The following ECT2 variants were observed in gnomAD, a reference collection of about 807,000 sequenced individuals.
ECT2 encodes protein ECT2.
Under a neutral mutation model 116.9 loss-of-function variants are expected in ECT2, and 61 were observed. The ratio of observed to expected loss-of-function variants is 0.52; its 90% CI spans 0.42 to 0.65. The LOEUF is 0.65. ECT2 is among the 30% of genes least tolerant of loss of function. The pLI is 0.00. For missense variants in ECT2, 937 were observed against 1,078.7 expected (o/e 0.87, Z 1.84); for synonymous variants, 358 against 346.4 (o/e 1.03, Z -0.37).
In ECT2 at chr3:172,765,337, T is replaced by C. The variant is rs564279647; in HGVS notation, c.1291+837T>C. Among the ~76,000 whole-genome samples, 3 of 152,292 alleles carry C rather than the reference T, an allele frequency of 2.0e-5. No individual in the cohort carries two copies. In the South Asian group the frequency reaches 6.2e-4, roughly 32 times the overall value. ...AATTCTAAATGTTGTATGTTCCTCC[T>C]GAGTCATTGTTTCTTCTCTATTGTA... On this transcript the variant is annotated intron_variant, in intron 12 of 24. Coordinates refer to ENST00000392692, the MANE Select transcript of ECT2 (RefSeq NM_001258315.2).
intron 12 of ECT2, among the ~76,000 whole-genome samples, chr3:172,768,053 A>G (rs1351035088): frequency 6.6e-6 from 1 of 152,126 alleles, no homozygotes; most frequent in Non-Finnish European, 1.5e-5. Context: ...TCTTTCATGA[A>G]ATGTATATGA....
chr3:172,767,717 T>C (rs1255290396), intron 12 of ECT2, among the ~76,000 whole-genome samples: 1 of 151,270 alleles, frequency 6.6e-6, no homozygotes, highest in African/African-American at 2.5e-5. Flanking sequence ...TATAGATATG[T>C]GTATAGATTT....
intron 5 of ECT2, 49 bp from the exon 6 acceptor site, chr3:172,758,931 A>G (rs1373282363): frequency 2.1e-6 from 3 of 1,436,848 alleles, no homozygotes; most frequent in Non-Finnish European, 2.9e-6. Flanking sequence ...GTTGTGTTGT[A>G]TTTTCTACTA....
At chr3:172,801,706 A>T (rs1726752252) in intron 18 of ECT2, among the ~76,000 whole-genome samples, 1 of 152,240 alleles carries the variant, frequency 6.6e-6, no homozygotes, top group Non-Finnish European at 1.5e-5. Flanking sequence ...TGCAGGGAAG[A>T]AACTTTCTTT....
chr3:172,828,807 G>T, the ECT2 span: 1 of 732,672 alleles, frequency 1.4e-6, no homozygotes, highest in South Asian at 1.5e-5. Context: ...CCAACGCCCA[G>T]AATGGCATAG....
chr3:172,780,017 G>A (rs1042004857), intron 14 of ECT2, among the ~76,000 whole-genome samples: 11 of 151,896 alleles, frequency 7.2e-5, no homozygotes, highest in Non-Finnish European at 1.3e-4. Flanking sequence ...CAAATAAGAT[G>A]TCTACTTAAA....
At chr3:172,815,842 G>A (rs1577047794) in intron 23 of ECT2, 131 bp downstream of exon 23, 1 of 635,668 alleles carries the variant, frequency 1.6e-6, no homozygotes, top group East Asian at 3.1e-5. Context: ...TCTAGGAAAT[G>A]ACCCACAGAA....
At position 172,762,786 on chromosome 3, in the gene ECT2, C is replaced by CT; in HGVS notation, c.988dup (p.Tyr330LeufsTer26). 6.2e-7 allele frequency: 1 copy of CT among 1,612,482 alleles called. No homozygotes were observed. Among genetic ancestry groups the CT allele is most frequent in the East Asian group, 2.2e-5 (1 of 44,794 alleles). On this transcript the variant is annotated frameshift_variant, in exon 10 of 25. Transcript: ENST00000392692. LOFTEE classifies it high-confidence loss of function. ...TCTTCCCTTTGAACCTTCAAAGAAACTTTATGTTGTCAAGCAAGAGGCAAG... is the reference window on the plus strand; with the variant it reads ...TCTTCCCTTTGAACCTTCAAAGAAACTTTTATGTTGTCAAGCAAGAGGCAAG...
Position 172,776,670 on chromosome 3 carries a change from CCTAA to C in ECT2, c.1548+2652_1548+2655del, listed in dbSNP as rs1448788760. Among the ~76,000 whole-genome samples, 6 of 152,216 alleles carry C rather than the reference CCTAA, an allele frequency of 3.9e-5. No individual in the cohort carries two copies. The East Asian group carries it at 7.7e-4, about 20-fold the overall frequency. On this transcript the variant is annotated intron_variant, in intron 14 of 24. Coordinates refer to ENST00000392692, the MANE Select transcript of ECT2 (RefSeq NM_001258315.2). ...TTTGTATAACTTCAAAGTCTGTTCT[CCTAA>C]CTATTAATGCTATTTTGCTTCTTTA... is the stretch of plus-strand genomic sequence containing the variant.
chr3:172,819,680 G>A (rs1178767964), intron 24 of ECT2, among the ~76,000 whole-genome samples: 1 of 151,938 alleles, frequency 6.6e-6, no homozygotes, highest in Non-Finnish European at 1.5e-5. Flanking sequence ...GTACATCTGA[G>A]TTGTACATAT....
At chr3:172,828,542 G>A in the ECT2 span, among the ~76,000 whole-genome samples, 2 of 151,770 alleles carry the variant, frequency 1.3e-5, no homozygotes, top group African/African-American at 4.8e-5. Flanking sequence ...AAACCAAGCC[G>A]ACAGCATTAT....
intron 5 of ECT2, 69 bp downstream of exon 5, chr3:172,757,234 A>G (rs960850089): frequency 1.7e-6 from 2 of 1,195,624 alleles, no homozygotes; most frequent in Non-Finnish European, 2.2e-6. Flanking sequence ...TTAGCAAAAA[A>G]TTTATTTGGA....
intron 24 of ECT2, 76 bp from the exon 25 acceptor site, chr3:172,820,072 G>T (rs1004825818): frequency 3.1e-6 from 3 of 974,768 alleles, no homozygotes; most frequent in Non-Finnish European, 4.5e-6. Context: ...AAAATAATAG[G>T]CATGATACTG....
At chr3:172,827,418 T>C in the ECT2 span, among the ~76,000 whole-genome samples, 2 of 152,148 alleles carry the variant, frequency 1.3e-5, no homozygotes, top group African/African-American at 2.4e-5. Context: ...GAAAACGTGG[T>C]ATATATACAC....
At chr3:172,792,373 ATAAAG>A (rs1724830733) in intron 18 of ECT2, among the ~76,000 whole-genome samples, 1 of 152,196 alleles carries the variant, frequency 6.6e-6, no homozygotes, top group African/African-American at 2.4e-5. Context: ...GTGAAGCACA[ATAAAG>A]TAAAGCACAA....
chr3:172,808,482 TATC>T (rs1350181148), intron 22 of ECT2, among the ~76,000 whole-genome samples: 1 of 152,198 alleles, frequency 6.6e-6, no homozygotes, highest in African/African-American at 2.4e-5. Flanking sequence ...AATATATAAT[TATC>T]ATTATACTAT....
chr3:172,764,230 A>G (rs1306950613), intron 11 of ECT2, 48 bp from the exon 12 acceptor site: 12 of 1,512,440 alleles, frequency 7.9e-6, no homozygotes, highest in Admixed American at 5.1e-5. Context: ...TTCCTGTCTC[A>G]GTAAAGAACC....
intron 18 of ECT2, among the ~76,000 whole-genome samples, chr3:172,795,759 T>G (rs1013217897): frequency 2.0e-5 from 3 of 152,182 alleles, no homozygotes; most frequent in African/African-American, 7.2e-5. Context: ...TAAGTTATGT[T>G]ACATTAAATT....
At chr3:172,756,729 C>T (rs565085486) in intron 4 of ECT2, among the ~76,000 whole-genome samples, 13 of 151,764 alleles carry the variant, frequency 8.6e-5, no homozygotes, top group Admixed American at 1.3e-4. Flanking sequence ...AGAATTATGC[C>T]TTTATAATAC....
Sources: gnomAD v4.1 joint callset for allele counts (sites outside exome capture counted in the v4.1 genomes callset) on GRCh38, gnomAD v4.1.1 for gene constraint, MANE v1.5 for transcripts, NCBI Gene and HGNC (gene_info 2026-07-23, HGNC 2026-07-21) for gene names.